Variants in FAM120B observed in about 807,000 individuals in gnomAD.
FAM120B encodes constitutive coactivator of peroxisome proliferator-activated receptor gamma.
In FAM120B, 83 loss-of-function variants were observed where a neutral mutation model predicts 96.3. That is an observed-to-expected ratio of 0.86 (90% CI 0.72 to 1.03). FAM120B has a LOEUF of 1.03. Ranked by LOEUF, FAM120B falls within the 50% of genes least tolerant of loss-of-function variation. FAM120B has a pLI of 0.00. For missense variants in FAM120B, 1,027 were observed against 1,121.2 expected (o/e 0.92, Z 1.20); for synonymous variants, 407 against 402.7 (o/e 1.01, Z -0.13).
intron 6 of FAM120B, among the ~76,000 whole-genome samples, chr6:170,365,522 G>T (rs1788726607): frequency 1.3e-5 from 2 of 152,226 alleles, no homozygotes; most frequent in South Asian, 4.1e-4. Context: ...CAGTGCTTTT[G>T]ATGATAGCAG....
chr6:170,359,967 C>T (rs1788233331), intron 6 of FAM120B, among the ~76,000 whole-genome samples: 2 of 152,328 alleles, frequency 1.3e-5, no homozygotes, highest in South Asian at 2.1e-4. Context: ...TGGCCTCCCT[C>T]CTGGGCCCTG....
chr6:170,395,973 T>C (rs1778136351), intron 9 of FAM120B, among the ~76,000 whole-genome samples: 1 of 152,246 alleles, frequency 6.6e-6, no homozygotes, highest in Admixed American at 6.5e-5. Context: ...TTCCGTGACT[T>C]GGATTACAGT....
intron 5 of FAM120B, 105 bp from the exon 6 acceptor site, chr6:170,358,121 T>C (rs1267293885): frequency 1.3e-5 from 12 of 944,810 alleles, no homozygotes; most frequent in East Asian, 5.3e-5. Context: ...TGTGTGTGCA[T>C]GTTTGCGCCT....
At chr6:170,390,297 G>A (rs971474542) in intron 7 of FAM120B, among the ~76,000 whole-genome samples, 8 of 152,160 alleles carry the variant, frequency 5.3e-5, no homozygotes, top group African/African-American at 1.9e-4. Flanking sequence ...TTTATAGAGA[G>A]CAAAAGCAGA....
chr6:170,304,261 C>T (rs892388504), upstream of FAM120B, among the ~76,000 whole-genome samples: 14 of 152,160 alleles, frequency 9.2e-5, no homozygotes, highest in Non-Finnish European at 2.9e-5. Context: ...TATTGTATTC[C>T]AGCTTCCTGG....
intron 2 of FAM120B, among the ~76,000 whole-genome samples, chr6:170,322,070 A>G (rs188572535): frequency 3.3e-5 from 5 of 152,332 alleles, no homozygotes; most frequent in Admixed American, 6.5e-5. Context: ...CTATATATTC[A>G]GGCTATGATA....
chr6:170,303,564 C>T (rs886184204), upstream of FAM120B, among the ~76,000 whole-genome samples: 4 of 152,184 alleles, frequency 2.6e-5, no homozygotes, highest in Non-Finnish European at 5.9e-5. Flanking sequence ...TTTCTAAGAA[C>T]ACATATTTAA....
At chr6:170,353,444 C>A (rs191290742) in intron 5 of FAM120B, among the ~76,000 whole-genome samples, 1 of 152,064 alleles carries the variant, frequency 6.6e-6, no homozygotes, top group Admixed American at 6.6e-5. Flanking sequence ...AGACATAGAA[C>A]AAAGAAAGAA....
chr6:170,323,407 C>T, intron 3 of FAM120B, 148 bp downstream of exon 3: 2 of 653,282 alleles, frequency 3.1e-6, no homozygotes, highest in Non-Finnish European at 5.1e-6. Context: ...TTGAGAATAC[C>T]ACTGACATCT....
intron 5 of FAM120B, 142 bp downstream of exon 5, chr6:170,348,465 G>A (rs1787360763): frequency 3.0e-6 from 2 of 665,272 alleles, no homozygotes; most frequent in Non-Finnish European, 4.9e-6. Context: ...CCTTTGAAGT[G>A]CTCTAAAAAT....
At chr6:170,385,966 G>A (rs1389954103) in intron 6 of FAM120B, among the ~76,000 whole-genome samples, 1 of 152,192 alleles carries the variant, frequency 6.6e-6, no homozygotes, top group Non-Finnish European at 1.5e-5. Flanking sequence ...ATTGCCAGGG[G>A]CTCAGGGGAG....
At chr6:170,292,449 T>C (rs1375434210), upstream of FAM120B, among the ~76,000 whole-genome samples, 1 of 151,974 alleles carries the variant, frequency 6.6e-6, no homozygotes, top group Admixed American at 6.5e-5. The surrounding 1 kb of genome is among the most constrained non-coding windows in gnomAD (Gnocchi z 6.6). Flanking sequence ...TTCATTAGGG[T>C]TCCAGGTGAG....
chr6:170,304,888 A>G (rs893544278), upstream of FAM120B, among the ~76,000 whole-genome samples: 1 of 152,186 alleles, frequency 6.6e-6, no homozygotes, highest in African/African-American at 2.4e-5. Flanking sequence ...ACAGCAAAGT[A>G]CCATAGACTG....
At chr6:170,388,529 TC>T in intron 7 of FAM120B, 36 bp downstream of exon 7, 3 of 1,548,042 alleles carry the variant, frequency 1.9e-6, no homozygotes, top group Non-Finnish European at 2.7e-6. Flanking sequence ...ACCAGAAACA[TC>T]CCTGTAGCTC....
At position 170,318,086 on chromosome 6, in the gene FAM120B, C is replaced by T. The variant is rs61733632; in HGVS notation, c.696C>T (p.Asp232=). The T allele has an allele frequency of 0.021, 34,079 of 1,614,170 alleles. 429 individuals carry two copies. The highest frequency in any genetic ancestry group is 0.024 in the Non-Finnish European group (28,826 of 1,180,028). The change falls in exon 2 of 11, where the codon GAC becomes GAT. Residue 232 remains aspartate, a synonymous_variant. Coordinates refer to ENST00000476287, the MANE Select transcript of FAM120B (RefSeq NM_032448.3). The part of the protein sequence containing the change: ...LPLLACLLGN[D]IIPEGMFESF... The stretch of plus-strand genomic sequence containing the variant: ...TTCTGGCCTGCCTCCTTGGCAACGA[C>T]ATAATCCCAGAGGGCATGTTTGAAA...
intron 6 of FAM120B, among the ~76,000 whole-genome samples, chr6:170,362,813 T>C (rs1221467039): frequency 6.6e-6 from 1 of 151,740 alleles, no homozygotes. Context: ...TTCCTAGTAG[T>C]TGGGACTACA....
intron 5 of FAM120B, among the ~76,000 whole-genome samples, chr6:170,356,262 TGG>T: frequency 6.6e-6 from 1 of 152,324 alleles, no homozygotes. Flanking sequence ...TGAGCAGACT[TGG>T]TAACTTGTCT....
At chr6:170,329,514 C>T (rs1019071948) in intron 3 of FAM120B, among the ~76,000 whole-genome samples, 29 of 152,156 alleles carry the variant, frequency 1.9e-4, no homozygotes, top group African/African-American at 6.8e-4. Flanking sequence ...GTCACCCCCG[C>T]GGTCCTGTGG....
intron 7 of FAM120B, 46 bp from the exon 8 acceptor site, chr6:170,390,967 C>T: frequency 1.3e-6 from 2 of 1,524,304 alleles, no homozygotes; most frequent in Non-Finnish European, 1.8e-6. Context: ...CCCTACTTTG[C>T]CACATCTGGC....
Sources: gnomAD v4.1 joint callset for allele counts (sites outside exome capture counted in the v4.1 genomes callset) on GRCh38, gnomAD v4.1.1 for gene constraint, Gnocchi (gnomAD v3.1) non-coding constraint, MANE v1.5 for transcripts, NCBI Gene and HGNC (gene_info 2026-07-23, HGNC 2026-07-21) for gene names.